Variants in MSH6 observed in about 807,000 individuals in gnomAD.
The protein encoded by MSH6 is mutS homolog 6, also known as DNA mismatch repair protein Msh6.
A neutral mutation model predicts 119.1 loss-of-function variants in MSH6; 85 were observed. That is an observed-to-expected ratio of 0.71 (90% confidence interval 0.60 to 0.85). MSH6 has a LOEUF of 0.85. Among genes scored for constraint, MSH6 ranks in the 40% least tolerant of loss-of-function variants. The probability of loss-of-function intolerance (pLI) is 0.00; values close to 1 mark genes in which losing one functional copy is unlikely to be tolerated. For missense variants in MSH6, 2,163 were observed against 1,655.3 expected (o/e 1.31, Z -5.32); for synonymous variants, 830 against 586.9 (o/e 1.41, Z -5.99).
downstream of MSH6, chr2:47,808,904 C>T (rs1026707954): frequency 8.7e-6 from 3 of 345,544 alleles, no homozygotes; most frequent in Admixed American, 1.3e-4. Context: ...CCTATGTTGC[C>T]CAGGCTGGTT....
At chr2:47,794,810 T>G (rs1235753083) in intron 2 of MSH6, among the ~76,000 whole-genome samples, 9 of 152,068 alleles carry the variant, frequency 5.9e-5, no homozygotes, top group Non-Finnish European at 1.0e-4. Context: ...TTGTTTGTTT[T>G]TTGAGATGGA....
chr2:47,800,001 CA>C lies in MSH6; in HGVS notation c.2019del (p.Gly674GlufsTer11). ...TSESDSIGLT[P>X]GEKSELALSA... ...GAGTCTGATTCCATTGGGTTGACACCAGGAGAGAAAAGTGAATTGGCCCTCT... is the reference window on the plus strand; with the variant it reads ...GAGTCTGATTCCATTGGGTTGACACCGGAGAGAAAAGTGAATTGGCCCTCT... On this transcript the variant is annotated frameshift_variant, in exon 4 of 10. Transcript: ENST00000234420. LOFTEE classifies it high-confidence loss of function. 6.2e-7 allele frequency: 1 copy of C among 1,613,836 alleles called. No individual in the cohort carries two copies.
downstream of MSH6, chr2:47,807,000 A>T (rs1377442895): frequency 1.4e-6 from 1 of 705,356 alleles, no homozygotes; most frequent in Non-Finnish European, 2.5e-6. Flanking sequence ...TTTAATTCTT[A>T]TCTACCTTCT....
chr2:47,796,773 C>A (rs149235534), intron 3 of MSH6, among the ~76,000 whole-genome samples: 72 of 152,216 alleles, frequency 4.7e-4, no homozygotes, highest in African/African-American at 1.7e-3. Flanking sequence ...CCAGCCTGGC[C>A]AACACAGTGA....
chr2:47,796,409 C>CT (rs975109972), intron 3 of MSH6, among the ~76,000 whole-genome samples: 3 of 151,904 alleles, frequency 2.0e-5, no homozygotes, highest in African/African-American at 7.3e-5. Context: ...CAGTTTTATG[C>CT]TTTTTATAAA....
At chr2:47,788,907 C>CTTTTTTTT (rs1558650117) in intron 1 of MSH6, among the ~76,000 whole-genome samples, 22 of 17,286 alleles carry the variant, frequency 1.3e-3, no homozygotes, top group Non-Finnish European at 1.8e-3. Flanking sequence ...TTTCTTCTTC[C>CTTTTTTTT]TTTTTTTTTT....
intron 2 of MSH6, among the ~76,000 whole-genome samples, chr2:47,792,848 T>TG (rs1668829070): frequency 2.6e-5 from 1 of 37,934 alleles, no homozygotes; most frequent in African/African-American, 1.5e-4. Context: ...TTTATATAGT[T>TG]TTTTTTTTTT....
rs761277966 is a variant in MSH6 at position 47,801,139 on chromosome 2, G to C, written c.3156G>C (p.Glu1052Asp). 5 of 1,610,808 alleles carry C rather than the reference G, an allele frequency of 3.1e-6. No individual in the cohort carries two copies. Among genetic ancestry groups the C allele is most frequent in the Admixed American group, 1.7e-5 (1 of 60,008 alleles). ...ACAAGGACTGGCAGTCTGCTGTAGA[G>C]TGTATCGCAGTGTTGGGTAAGACTT... ...KNYKDWQSAV[E>D]CIAVLDVLLC... Residue 1052 changes from glutamate (E) to aspartate (D), a missense_variant, in exon 4 of 10, where the codon GAG becomes GAC. Glu to Asp is a conservative substitution (Grantham distance 45, BLOSUM62 2). Coordinates refer to ENST00000234420, the MANE Select transcript of MSH6 (RefSeq NM_000179.3).
intron 5 of MSH6, 137 bp downstream of exon 5, chr2:47,803,822 C>T (rs929560819): frequency 1.4e-5 from 13 of 899,992 alleles, no homozygotes; most frequent in Non-Finnish European, 2.3e-5. Flanking sequence ...AAATTACTCC[C>T]TGTGTTATAA....
chr2:47,789,637 G>A (rs1048782434), intron 1 of MSH6, among the ~76,000 whole-genome samples: 1 of 152,074 alleles, frequency 6.6e-6, no homozygotes, highest in African/African-American at 2.4e-5. Flanking sequence ...TATCTGAGGG[G>A]GATTGGTTGC....
downstream of MSH6, chr2:47,808,419 G>C (rs1670373529): frequency 6.3e-7 from 1 of 1,586,996 alleles, no homozygotes; most frequent in Admixed American, 1.9e-5. Context: ...GGTGTTACAA[G>C]TATGACATCT....
rs1553412038 is a variant in MSH6 at position 47,798,613 on chromosome 2, A to G, written c.630A>G (p.Val210=). 6.2e-7 allele frequency: 1 copy of G among 1,609,848 alleles called. No homozygotes were observed. The highest frequency in any genetic ancestry group is 8.5e-7 in the Non-Finnish European group (1 of 1,179,890). The change falls in exon 4 of 10, where the codon GTA becomes GTG. Residue 210 remains valine, a splice_region_variant and synonymous_variant. Transcript: ENST00000234420. The part of the protein sequence containing the change: ...SEPEEEEEME[V]GTTYVTDKSE... The stretch of plus-strand genomic sequence containing the variant: ...AATACTCTTTCCTTGCCTGGCAGGT[A>G]GGCACAACTTACGTAACAGATAAGA...
At chr2:47,809,855 AACC>A (rs1447020440), downstream of MSH6, 24 of 566,550 alleles carry the variant, frequency 4.2e-5, no homozygotes, top group East Asian at 5.0e-4. Context: ...TACCTATTTC[AACC>A]ACCAACAGTA....
chr2:47,807,052 A>G (rs1336568217), downstream of MSH6: 2 of 595,594 alleles, frequency 3.4e-6, no homozygotes, highest in African/African-American at 1.9e-5. Flanking sequence ...TTAAGTCTAG[A>G]TGTTATGGTA....
intron 1 of MSH6, among the ~76,000 whole-genome samples, chr2:47,786,683 T>A (rs528616429): frequency 6.6e-6 from 1 of 152,304 alleles, no homozygotes; most frequent in African/African-American, 2.4e-5. Context: ...TCATTTAGAT[T>A]TCTTCTTGTG....
rs150683226 is a variant in MSH6 at position 47,800,887 on chromosome 2, C to G, written c.2904C>G (p.Val968=). 4.4e-5 allele frequency: 71 copies of G among 1,606,062 alleles called. No individual in the cohort carries two copies. Among genetic ancestry groups the G allele is most frequent in the Non-Finnish European group, 5.5e-5 (65 of 1,176,588 alleles). The change falls in exon 4 of 10, where the codon GTC becomes GTG. Residue 968 remains valine (V), a synonymous_variant. Transcript: ENST00000234420. Reference sequence around the variant, plus strand: ...ACAGAATTGGCTGTAGGACCATAGTCTATTGGGGGATTGGTAGGAACCGTT... The same window carrying G: ...ACAGAATTGGCTGTAGGACCATAGTGTATTGGGGGATTGGTAGGAACCGTT... ...QRNRIGCRTI[V]YWGIGRNRYQ...
rs773837927 is a variant in MSH6, at chr2:47,800,713, C to G, written c.2730C>G (p.Asn910Lys). Residue 910 changes from asparagine (N) to lysine (K), a missense_variant, in exon 4 of 10, where the codon AAC becomes AAG. Asn to Lys is a moderately conservative substitution (Grantham distance 94). Transcript: ENST00000234420. The part of the protein sequence containing the change: ...GRFPDLTVEL[N>K]RWDTAFDHEK... ...TTCCTGATTTGACTGTAGAATTGAA[C>G]CGATGGGATACAGCCTTTGACCATG... 6.2e-7 allele frequency: 1 copy of G among 1,614,092 alleles called. No homozygotes were observed. The highest frequency in any genetic ancestry group is 1.3e-5 in the African/African-American group (1 of 75,026).
Position 47,783,513 on chromosome 2 carries a change from G to T in MSH6, c.260+20G>T, listed in dbSNP as rs1270637949. 1.4e-6 allele frequency: 2 copies of T among 1,418,746 alleles called. No homozygotes were observed. The highest frequency in any genetic ancestry group is 1.8e-6 in the Non-Finnish European group (2 of 1,086,192). The allele number at this position is 1,418,746 out of a possible 1,614,324, so 87.9% of individuals were successfully genotyped here. A position where few individuals can be genotyped will look rare whatever the true frequency, so the allele number is the denominator to read the frequency against. The stretch of plus-strand genomic sequence containing the variant: ...CACCAGGTAGCGGGGTGGGGGTGGG[G>T]TCGAAGGCGGGGGCATAGCGGCGGG... On this transcript the variant is annotated intron_variant, in intron 1 of 9. Coordinates refer to ENST00000234420, the MANE Select transcript of MSH6 (RefSeq NM_000179.3).
chr2:47,805,904 A>C (rs3136362), intron 7 of MSH6, among the ~76,000 whole-genome samples, 197 bp downstream of exon 7: 1 of 152,228 alleles, frequency 6.6e-6, no homozygotes. Flanking sequence ...CCCATTAATT[A>C]TTAGGCCTTA....
Sources: allele counts gnomAD v4.1 joint callset (sites outside exome capture counted in the v4.1 genomes callset), GRCh38; gene constraint gnomAD v4.1.1; transcripts MANE v1.5; gene names NCBI Gene and HGNC (gene_info 2026-07-23, HGNC 2026-07-21).